The following PARD3B variants were observed in gnomAD, a reference collection of about 807,000 sequenced individuals.
PARD3B encodes the protein partitioning defective 3 homolog B.
In PARD3B, 103 loss-of-function variants were observed where a neutral mutation model predicts 130.2. That is an observed-to-expected ratio of 0.79 (90% CI 0.67 to 0.93). PARD3B has a LOEUF of 0.93. Ranked by LOEUF, PARD3B falls within the 40% of genes least tolerant of loss-of-function variation. PARD3B has a pLI of 0.00. For synonymous variants in PARD3B, 583 were observed against 553.2 expected, an observed-to-expected ratio of 1.05 and a Z score of -0.76; for missense variants, 1,609 against 1,499.2, an observed-to-expected ratio of 1.07 and a Z score of -1.21.
At chr2:204,961,225 T>A (rs2125846004) in intron 2 of PARD3B, among the ~76,000 whole-genome samples, 1 of 152,236 alleles carries the variant, frequency 6.6e-6, no homozygotes, top group Admixed American at 6.5e-5. Context: ...GTCTGGCTGC[T>A]GTGTTGCGCG....
chr2:204,720,226 G>T (rs1420980114), intron 2 of PARD3B, among the ~76,000 whole-genome samples: 1 of 152,124 alleles, frequency 6.6e-6, no homozygotes, highest in Admixed American at 6.6e-5. Flanking sequence ...ATAACATCTC[G>T]TTTGGAGTTG....
intron 2 of PARD3B, among the ~76,000 whole-genome samples, chr2:204,946,276 G>A (rs1689315881): frequency 6.6e-6 from 1 of 152,142 alleles, no homozygotes; most frequent in Admixed American, 6.5e-5. Flanking sequence ...TTGGCTGTAG[G>A]AATTGAAGTA....
intron 6 of PARD3B, among the ~76,000 whole-genome samples, chr2:205,115,179 C>G (rs1703939935): frequency 1.3e-5 from 2 of 152,158 alleles, no homozygotes; most frequent in African/African-American, 2.4e-5. Flanking sequence ...ATCACATTCT[C>G]TCACTTCAAA....
chr2:204,784,986 A>G (rs1559142478), intron 2 of PARD3B, among the ~76,000 whole-genome samples: 1 of 152,192 alleles, frequency 6.6e-6, no homozygotes, highest in Non-Finnish European at 1.5e-5. Context: ...TGGAGCTTCC[A>G]TGAAAATCAA....
chr2:204,756,627 A>C (rs1462833153), intron 2 of PARD3B, among the ~76,000 whole-genome samples: 11 of 152,152 alleles, frequency 7.2e-5, no homozygotes, highest in Admixed American at 7.2e-4. Context: ...CCAGGTCTAC[A>C]TTTGCTCCAA....
intron 22 of PARD3B, among the ~76,000 whole-genome samples, chr2:205,599,304 A>G (rs1021964830): frequency 4.6e-5 from 7 of 152,182 alleles, no homozygotes; most frequent in Admixed American, 1.3e-4. Flanking sequence ...AAAAGCTCTT[A>G]CCAATTAGGT....
In PARD3B at chr2:205,589,700, G is replaced by C. The variant is rs72937641; in HGVS notation, c.3261-25756G>C. Among the ~76,000 whole-genome samples, 2 of 152,064 alleles carry C rather than the reference G, an allele frequency of 1.3e-5. No homozygotes were observed. Among genetic ancestry groups the C allele is most frequent in the Non-Finnish European group, 2.9e-5 (2 of 68,004 alleles). ...CTATTGGAGAATTGCTAGAGGACTC[G>C]AGTTAGGGATGATTCACTTTCTCAG... On this transcript the variant is annotated intron_variant, in intron 22 of 22. Transcript: ENST00000406610. This position sits in a 1 kb window ranked among gnomAD's most constrained non-coding sequence, Gnocchi z 4.1.
intron 3 of PARD3B, among the ~76,000 whole-genome samples, chr2:204,969,533 A>G (rs1691522794): frequency 6.6e-6 from 1 of 152,230 alleles, no homozygotes; most frequent in African/African-American, 2.4e-5. Flanking sequence ...GAATTTTATA[A>G]TTAGCAATTG....
Position 205,419,949 on chromosome 2 carries a change from G to A in PARD3B, c.2741+18826G>A, listed in dbSNP as rs375729146. Reference sequence around the variant, plus strand: ...AATCTGTTCAGTGAATGTGGCTAAAGCAAATTAAAGGATTCATATATTTTC... The same window carrying A: ...AATCTGTTCAGTGAATGTGGCTAAAACAAATTAAAGGATTCATATATTTTC... On this transcript the variant is annotated intron_variant, in intron 19 of 22. Transcript: ENST00000406610. 3.9e-5 allele frequency among the ~76,000 whole-genome samples: 6 copies of A among 152,166 alleles called. No homozygotes were observed. The East Asian group carries it at 9.6e-4, about 24-fold the overall frequency.
At position 205,592,119 on chromosome 2, in the gene PARD3B, T is replaced by C. The variant is rs1163474715; in HGVS notation, c.3261-23337T>C. Among the ~76,000 whole-genome samples, 5 of 152,214 alleles carry C rather than the reference T, an allele frequency of 3.3e-5. No homozygotes were observed. The highest frequency in any genetic ancestry group is 9.7e-5 in the African/African-American group (4 of 41,450). ...CCAGCAGGCCTAGGAGCTTGCTTAG[T>C]ATCATAATTCCCACTTCCGAGTGAA... On this transcript the variant is annotated intron_variant, in intron 22 of 22. Coordinates refer to ENST00000406610, the MANE Select transcript of PARD3B (RefSeq NM_001302769.2). The surrounding 1 kb of genome is among the most constrained non-coding windows in gnomAD (Gnocchi z 4.5).
intron 4 of PARD3B, among the ~76,000 whole-genome samples, chr2:205,096,459 A>C (rs550967887): frequency 7.2e-5 from 11 of 152,296 alleles, no homozygotes; most frequent in African/African-American, 2.6e-4. Context: ...CCAGATGAAG[A>C]GAAGGTGTGG....
At chr2:204,908,667 G>A (rs1342836397) in intron 2 of PARD3B, among the ~76,000 whole-genome samples, 2 of 152,176 alleles carry the variant, frequency 1.3e-5, no homozygotes, top group African/African-American at 2.4e-5. Flanking sequence ...CTGGAGCCTA[G>A]ACTCTGTTGG....
chr2:205,255,418 C>A (rs377095037), intron 16 of PARD3B, among the ~76,000 whole-genome samples: 5 of 152,164 alleles, frequency 3.3e-5, no homozygotes, highest in African/African-American at 9.7e-5. Context: ...TCCCCACACA[C>A]ACTGACCAGT....
chr2:204,698,532 C>T (rs577749076), intron 2 of PARD3B, among the ~76,000 whole-genome samples: 11 of 151,304 alleles, frequency 7.3e-5, no homozygotes, highest in African/African-American at 2.7e-4. Context: ...TCTTTGTTAT[C>T]CTTGATTGTT....
At chr2:205,486,031 C>G (rs1258568482) in intron 20 of PARD3B, among the ~76,000 whole-genome samples, 1 of 152,194 alleles carries the variant, frequency 6.6e-6, no homozygotes, top group Non-Finnish European at 1.5e-5. Flanking sequence ...GGGTCTTAAT[C>G]ACCTTTGCAT....
Position 205,122,091 on chromosome 2 carries a change from C to T in PARD3B, c.1165+142C>T. 2 of 728,674 alleles carry T rather than the reference C, an allele frequency of 2.7e-6. No homozygotes were observed. The highest frequency in any genetic ancestry group is 4.3e-6 in the Non-Finnish European group (2 of 461,276). 45.1% of individuals were successfully genotyped at this position (728,674 alleles called of 1,614,324 possible). On this transcript the variant is annotated intron_variant, in intron 8 of 22. Transcript: ENST00000406610. The surrounding 1 kb of genome is among the most constrained non-coding windows in gnomAD (Gnocchi z 4.3). ...TAGATTTAAGTGTATACTTAGGTAA[C>T]TTAAATTTCTTGAAATTGTACTTTT...
In PARD3B at chr2:205,351,729, G is replaced by A. The variant is rs1453262006; in HGVS notation, c.2631-49284G>A. On this transcript the variant is annotated intron_variant, in intron 18 of 22. Coordinates refer to ENST00000406610, the MANE Select transcript of PARD3B (RefSeq NM_001302769.2). The surrounding 1 kb of genome is among the most constrained non-coding windows in gnomAD (Gnocchi z 4.2). ...TTTAACTCTAGAATTGCTAAAGGTA[G>A]CTCTGTGAGTAAGGTGGGTTGCTAG... is the stretch of plus-strand genomic sequence containing the variant. Among the ~76,000 whole-genome samples the A allele has an allele frequency of 6.6e-6, 1 of 152,074 alleles. No homozygotes were observed. Among genetic ancestry groups the A allele is most frequent in the Admixed American group, 6.6e-5 (1 of 15,258 alleles).
chr2:204,577,121 C>T (rs1434062734), intron 1 of PARD3B, among the ~76,000 whole-genome samples: 1 of 152,130 alleles, frequency 6.6e-6, no homozygotes, highest in Non-Finnish European at 1.5e-5. Flanking sequence ...AACTTATTTA[C>T]ATATCTTTGT....
In PARD3B at chr2:205,407,026, A is replaced by G. The variant is rs2046437229; in HGVS notation, c.2741+5903A>G. 6.6e-6 allele frequency among the ~76,000 whole-genome samples: 1 copy of G among 152,132 alleles called. No individual in the cohort carries two copies. The highest frequency in any genetic ancestry group is 1.5e-5 in the Non-Finnish European group (1 of 68,028). On this transcript the variant is annotated intron_variant, in intron 19 of 22. Transcript: ENST00000406610. The surrounding 1 kb of genome is among the most constrained non-coding windows in gnomAD (Gnocchi z 4.1). ...AGATGATCTCTGGGGTTCTTTTCAG[A>G]TATTCCAGTATGAGAAATATCTAAA...
Sources: gnomAD v4.1 joint callset for allele counts (sites outside exome capture counted in the v4.1 genomes callset) on GRCh38, gnomAD v4.1.1 for gene constraint, Gnocchi (gnomAD v3.1) non-coding constraint, MANE v1.5 for transcripts, NCBI Gene and HGNC (gene_info 2026-07-23, HGNC 2026-07-21) for gene names.